Variants in MON1B observed in about 807,000 individuals in gnomAD.
The protein encoded by MON1B is vacuolar fusion protein MON1 homolog B.
MON1B carries 26 observed loss-of-function variants against 45.1 expected under a neutral mutation model. The observed-to-expected ratio is 0.58, with a 90% CI of 0.42 to 0.80. The LOEUF (loss-of-function observed/expected upper bound fraction) is 0.80, where lower values mean the gene tolerates loss of function less well. MON1B is among the 30% of genes least tolerant of loss of function. The pLI is 0.00. For missense variants in MON1B, 737 were observed against 754.5 expected, an observed-to-expected ratio of 0.98 and a Z score of 0.27; for synonymous variants, 395 against 320.2, an observed-to-expected ratio of 1.23 and a Z score of -2.49.
intron 5 of MON1B, among the ~76,000 whole-genome samples, chr16:77,197,127 A>G (rs111432160): frequency 0.013 from 1,985 of 152,154 alleles, 42 homozygotes; most frequent in African/African-American, 0.045. Context: ...TAATCCCAGC[A>G]CTTTGGGAGG....
At position 77,200,766 on chromosome 16, in the gene MON1B, GAAAA is replaced by G. The variant is rs878904273; in HGVS notation, c.*2461_*2464del. 1.0e-4 allele frequency: 6 copies of G among 57,298 alleles called. No homozygotes were observed. The highest frequency in any genetic ancestry group is 2.2e-4 in the African/African-American group (5 of 22,260). 3.5% of individuals were successfully genotyped at this position (57,298 alleles called of 1,614,324 possible). ...GTGAGCAAAAAAAAAAAAAAAAAAAGAAAAAACAAAAAGAAAAAAATCTCCCAAG... is the reference window on the plus strand; with the variant it reads ...GTGAGCAAAAAAAAAAAAAAAAAAAGAACAAAAAGAAAAAAATCTCCCAAG... On this transcript the variant is annotated 3_prime_UTR_variant, in exon 6 of 6. Transcript: ENST00000248248.
In MON1B at chr16:77,193,789, G is replaced by A; in HGVS notation, c.475+12G>A. The A allele has an allele frequency of 6.3e-7, 1 of 1,599,740 alleles. No homozygotes were observed. Among genetic ancestry groups the A allele is most frequent in the Non-Finnish European group, 8.5e-7 (1 of 1,170,732 alleles). ...TGCCATCTACGCTGGTGAGCAAACAGGTGGGAGGCAGAATGGGGGACAGTG... is the reference window on the plus strand; with the variant it reads ...TGCCATCTACGCTGGTGAGCAAACAAGTGGGAGGCAGAATGGGGGACAGTG... On this transcript the variant is annotated intron_variant, in intron 3 of 5. Coordinates refer to ENST00000248248, the MANE Select transcript of MON1B (RefSeq NM_014940.4). This position sits in a 1 kb window ranked among gnomAD's most constrained non-coding sequence, Gnocchi z 5.0.
chr16:77,197,554 G>A (rs2054678585), intron 5 of MON1B, among the ~76,000 whole-genome samples: 1 of 152,118 alleles, frequency 6.6e-6, no homozygotes, highest in African/African-American at 2.4e-5. Flanking sequence ...CAGAGGGAAA[G>A]GACTGATATG....
In MON1B at chr16:77,194,162, A is replaced by G. The variant is rs942441964; in HGVS notation, c.476-173A>G. 1.4e-6 allele frequency: 1 copy of G among 705,098 alleles called. No individual in the cohort carries two copies. The highest frequency in any genetic ancestry group is 2.5e-6 in the Non-Finnish European group (1 of 396,590). 43.7% of individuals were successfully genotyped at this position (705,098 alleles called of 1,614,324 possible). On this transcript the variant is annotated intron_variant, in intron 3 of 5. Transcript: ENST00000248248. The surrounding 1 kb of genome is among the most constrained non-coding windows in gnomAD (Gnocchi z 8.1). ...TTTGTCCATCCCATCATGTCTCTGC[A>G]AATGTCCAGATTCCTCCAGCTTGTC...
In MON1B at chr16:77,194,820, G is replaced by A; in HGVS notation, c.961G>A (p.Ala321Thr). The change falls in exon 4 of 6, where the codon GCT (alanine) becomes ACT (threonine). Residue 321 changes from alanine (A) to threonine (T), a missense_variant. Transcript: ENST00000248248. The surrounding 1 kb of genome is among the most constrained non-coding windows in gnomAD (Gnocchi z 8.1). ...TGCACCAGCCTTTGCGGCGGGTGAG[G>A]CTTGGGCACCTGTGTGCCTGCCCCG... ...VGAPAFAAGE[A>T]WAPVCLPRFN... is the part of the protein sequence containing the mutation. 3 of 1,611,170 alleles carry A rather than the reference G, an allele frequency of 1.9e-6. No homozygotes were observed. The highest frequency in any genetic ancestry group is 2.5e-6 in the Non-Finnish European group (3 of 1,180,004).
At position 77,198,135 on chromosome 16, in the gene MON1B, T is replaced by A. The variant is rs1229086745; in HGVS notation, c.1471T>A (p.Cys491Ser). ...WVTSKFELYT[C>S]LSPLVTKAGA... The stretch of plus-strand genomic sequence containing the variant: ...GACCTCCAAATTCGAGCTCTATACC[T>A]GCCTCAGCCCTCTGGTGACCAAGGC... Residue 491 changes from cysteine to serine, a missense_variant, in exon 6 of 6, where the codon TGC becomes AGC. Cys to Ser is a moderately radical substitution (Grantham distance 112). Transcript: ENST00000248248. 2 of 1,614,132 alleles carry A rather than the reference T, an allele frequency of 1.2e-6. No individual in the cohort carries two copies. The highest frequency in any genetic ancestry group is 1.1e-5 in the South Asian group (1 of 91,084).
Position 77,200,714 on chromosome 16 carries a change from C to T in MON1B, c.*2406C>T, listed in dbSNP as rs1232302513. 1.4e-5 allele frequency: 2 copies of T among 143,806 alleles called. No individual in the cohort carries two copies. Among genetic ancestry groups the T allele is most frequent in the Non-Finnish European group, 1.5e-5 (1 of 66,698 alleles). 8.9% of individuals were successfully genotyped at this position (143,806 alleles called of 1,614,324 possible). ...GAGGTTATCGTGAGCTGACATTGCG[C>T]CACTGCACTCCAGCGCGGAAGACAG... On this transcript the variant is annotated 3_prime_UTR_variant, in exon 6 of 6. Transcript: ENST00000248248.
chr16:77,197,328 G>A (rs1261089026), intron 5 of MON1B, among the ~76,000 whole-genome samples: 1 of 152,136 alleles, frequency 6.6e-6, no homozygotes, highest in African/African-American at 2.4e-5. Flanking sequence ...CCTGGCAGGC[G>A]GAGGTTGCAG....
chr16:77,200,291 T>TAGAC lies in MON1B; in HGVS notation c.*1984_*1985insGACA. 1 of 111,424 alleles carries TAGAC rather than the reference T, an allele frequency of 9.0e-6. No individual in the cohort carries two copies. The highest frequency in any genetic ancestry group is 3.4e-5 in the African/African-American group (1 of 29,724). 6.9% of individuals were successfully genotyped at this position (111,424 alleles called of 1,614,324 possible). ...ATATATGTGTATATATATATATATA[T>TAGAC]ACACACACTAATCAGCCGGGCGCGG... On this transcript the variant is annotated 3_prime_UTR_variant, in exon 6 of 6. Transcript: ENST00000248248.
At position 77,194,572 on chromosome 16, in the gene MON1B, A is replaced by G. The variant is rs764842095; in HGVS notation, c.713A>G (p.Gln238Arg). The G allele has an allele frequency of 1.2e-6, 2 of 1,613,950 alleles. No homozygotes were observed. Among genetic ancestry groups the G allele is most frequent in the Admixed American group, 3.3e-5 (2 of 60,010 alleles). ...TLDRLLDSME[Q>R]DPGALLLGAV... ...GACCGACTTCTGGACAGTATGGAGC[A>G]GGACCCAGGAGCCCTGCTCCTGGGT... Residue 238 changes from glutamine (Q) to arginine (R), a missense_variant, in exon 4 of 6, where the codon CAG (glutamine) becomes CGG (arginine). Transcript: ENST00000248248. This position sits in a 1 kb window ranked among gnomAD's most constrained non-coding sequence, Gnocchi z 8.1.
Position 77,200,256 on chromosome 16 carries a change from G to GTATATATATATATATGTATATATATATA in MON1B, c.*1965_*1966insATATATATATATATATATATATATATGT, listed in dbSNP as rs2054720013. On this transcript the variant is annotated 3_prime_UTR_variant, in exon 6 of 6. Transcript: ENST00000248248. ...TGTATATATATATATATGTATATGT[G>GTATATATATATATATGTATATATATATA]TATATATATATATATGTGTATATAT... 5.0e-4 allele frequency: 42 copies of GTATATATATATATATGTATATATATATA among 83,598 alleles called. No homozygotes were observed. Among genetic ancestry groups the GTATATATATATATATGTATATATATATA allele is most frequent in the African/African-American group, 1.5e-3 (41 of 26,922 alleles). The allele number at this position is 83,598 out of a possible 1,614,324, so 5.2% of individuals were successfully genotyped here.
Position 77,193,406 on chromosome 16 carries a change from G to C in MON1B, c.149-45G>C. The C allele has an allele frequency of 4.0e-6, 6 of 1,505,256 alleles. No individual in the cohort carries two copies. Among genetic ancestry groups the C allele is most frequent in the Non-Finnish European group, 4.5e-6 (5 of 1,119,802 alleles). 93.2% of individuals were successfully genotyped at this position (1,505,256 alleles called of 1,614,324 possible). On this transcript the variant is annotated intron_variant, in intron 2 of 5. Coordinates refer to ENST00000248248, the MANE Select transcript of MON1B (RefSeq NM_014940.4). This position sits in a 1 kb window ranked among gnomAD's most constrained non-coding sequence, Gnocchi z 5.0. Reference sequence around the variant, plus strand: ...GTGGGTCCTTGGGGATGTGGGATTAGTTAGGAGTTCACATGCAGATGACCC... The same window carrying C: ...GTGGGTCCTTGGGGATGTGGGATTACTTAGGAGTTCACATGCAGATGACCC...
intron 5 of MON1B, among the ~76,000 whole-genome samples, chr16:77,197,162 G>T (rs1050810279): frequency 1.3e-5 from 2 of 151,902 alleles, no homozygotes; most frequent in African/African-American, 4.9e-5. Context: ...GAGTTGGGGG[G>T]AGTGGGCGGC....
chr16:77,196,218 G>T lies in MON1B; in HGVS notation c.1443+536G>T, dbSNP rs565176140. Among the ~76,000 whole-genome samples, 5 of 152,306 alleles carry T rather than the reference G, an allele frequency of 3.3e-5. No individual in the cohort carries two copies. In the South Asian group the frequency reaches 1.0e-3, roughly 32 times the overall value. On this transcript the variant is annotated intron_variant, in intron 5 of 5. Transcript: ENST00000248248. ...GGAGGCCTCATCAGAAATGGCACCT[G>T]CCATGTAATGCATATTTATTAATTT...
chr16:77,194,876 C>T lies in MON1B; in HGVS notation c.1017C>T (p.Tyr339=), dbSNP rs763323881. The T allele has an allele frequency of 1.1e-5, 17 of 1,611,962 alleles. No homozygotes were observed. The highest frequency in any genetic ancestry group is 4.5e-5 in the East Asian group (2 of 44,874). The change falls in exon 4 of 6, where the codon TAC becomes TAT. Residue 339 remains tyrosine (Y), a synonymous_variant. Transcript: ENST00000248248. This position sits in a 1 kb window ranked among gnomAD's most constrained non-coding sequence, Gnocchi z 8.1. ...ACCCTGATGGTTTTTTCTACGCCTACGTGGCCCGCCTGGATGCTATGCCTG... is the reference window on the plus strand; with the variant it reads ...ACCCTGATGGTTTTTTCTACGCCTATGTGGCCCGCCTGGATGCTATGCCTG... ...RFNPDGFFYA[Y]VARLDAMPVC... is the part of the protein sequence containing the mutation.
Position 77,199,216 on chromosome 16 carries a change from C to A in MON1B, c.*908C>A, listed in dbSNP as rs2054700896. Reference sequence around the variant, plus strand: ...TGTGCACACTACCCTCACTCCCCAACTGGCCATTACCCTAGTTCTGCCCTT... The same window carrying A: ...TGTGCACACTACCCTCACTCCCCAAATGGCCATTACCCTAGTTCTGCCCTT... On this transcript the variant is annotated 3_prime_UTR_variant, in exon 6 of 6. Coordinates refer to ENST00000248248, the MANE Select transcript of MON1B (RefSeq NM_014940.4). 3.8e-6 allele frequency: 2 copies of A among 528,298 alleles called. No individual in the cohort carries two copies. The highest frequency in any genetic ancestry group is 5.5e-5 in the South Asian group (2 of 36,084). 32.7% of individuals were successfully genotyped at this position (528,298 alleles called of 1,614,324 possible). A position where few individuals can be genotyped will look rare whatever the true frequency, so the allele number is the denominator to read the frequency against.
At position 77,199,642 on chromosome 16, in the gene MON1B, T is replaced by C. The variant is rs1054849137; in HGVS notation, c.*1334T>C. ...AAATAAAATGTTAAGCCTTTTGTTA[T>C]TGAAGAAAAACAATTTTTTAACCGT... On this transcript the variant is annotated 3_prime_UTR_variant, in exon 6 of 6. Coordinates refer to ENST00000248248, the MANE Select transcript of MON1B (RefSeq NM_014940.4). The C allele has an allele frequency of 7.4e-6, 6 of 814,836 alleles. No individual in the cohort carries two copies. The highest frequency in any genetic ancestry group is 5.4e-5 in the East Asian group (2 of 37,042). 50.5% of individuals were successfully genotyped at this position (814,836 alleles called of 1,614,324 possible). A position where few individuals can be genotyped will look rare whatever the true frequency, so the allele number is the denominator to read the frequency against.
chr16:77,199,649 AAAAC>A lies in MON1B; in HGVS notation c.*1344_*1347del. The A allele has an allele frequency of 4.0e-6, 3 of 754,234 alleles. No individual in the cohort carries two copies. The highest frequency in any genetic ancestry group is 2.0e-5 in the South Asian group (1 of 50,672). 46.7% of individuals were successfully genotyped at this position (754,234 alleles called of 1,614,324 possible). On this transcript the variant is annotated 3_prime_UTR_variant, in exon 6 of 6. Coordinates refer to ENST00000248248, the MANE Select transcript of MON1B (RefSeq NM_014940.4). ...ATGTTAAGCCTTTTGTTATTGAAGA[AAAAC>A]AATTTTTTAACCGTTCAGCACAGTG...
intron 1 of MON1B, 89 bp from the exon 2 acceptor site, chr16:77,191,387 T>C: frequency 6.3e-7 from 1 of 1,585,040 alleles, no homozygotes; most frequent in Non-Finnish European, 8.6e-7. Context: ...AAATGAGCAG[T>C]AGGAGTGTGT....
Sources: allele counts gnomAD v4.1 joint callset (sites outside exome capture counted in the v4.1 genomes callset), GRCh38; gene constraint gnomAD v4.1.1; non-coding constraint Gnocchi (gnomAD v3.1); transcripts MANE v1.5; gene names NCBI Gene and HGNC (gene_info 2026-07-23, HGNC 2026-07-21).